Variants in EYS observed in about 807,000 individuals in gnomAD.
The protein encoded by EYS is protein eyes shut homolog.
In EYS, 250 loss-of-function variants were observed where a neutral mutation model predicts 282.1. The ratio of observed to expected loss-of-function variants is 0.89; its 90% CI spans 0.80 to 0.98. EYS has a LOEUF of 0.98. Among genes scored for constraint, EYS ranks in the 50% least tolerant of loss-of-function variants. The probability of loss-of-function intolerance (pLI) is 0.00; values close to 1 mark genes in which losing one functional copy is unlikely to be tolerated. For missense variants in EYS, 4,016 were observed against 3,709.0 expected, an observed-to-expected ratio of 1.08 and a Z score of -2.15; for synonymous variants, 1,355 against 1,282.9, an observed-to-expected ratio of 1.06 and a Z score of -1.20.
chr6:64,091,013 G>T (rs1772339572), intron 31 of EYS, among the ~76,000 whole-genome samples: 1 of 152,064 alleles, frequency 6.6e-6, no homozygotes, highest in African/African-American at 2.4e-5. Flanking sequence ...TTTCAGTTTG[G>T]CATCGAAGAC....
chr6:64,886,848 G>A lies in EYS; in HGVS notation c.2847-6C>T. ...GTTCACAATTACAAAAAAATCTGGA[G>A]AAAAGTGGAGAAATGAGGAATAGCC... On this transcript the variant is annotated splice_polypyrimidine_tract_variant and splice_region_variant and intron_variant, in intron 18 of 42. Transcript: ENST00000503581. 1 of 1,494,434 alleles carries A rather than the reference G, an allele frequency of 6.7e-7. No homozygotes were observed. Among genetic ancestry groups the A allele is most frequent in the South Asian group, 1.3e-5 (1 of 74,970 alleles). The allele number at this position is 1,494,434 out of a possible 1,614,324, so 92.6% of individuals were successfully genotyped here.
chr6:64,398,462 T>C (rs1773448785), intron 28 of EYS, among the ~76,000 whole-genome samples: 1 of 151,870 alleles, frequency 6.6e-6, no homozygotes, highest in Non-Finnish European at 1.5e-5. Context: ...GGAAAGTCTG[T>C]TGTTTGGTGA....
At chr6:64,981,090 G>A (rs927075835) in intron 14 of EYS, among the ~76,000 whole-genome samples, 2 of 151,098 alleles carry the variant, frequency 1.3e-5, no homozygotes, top group Admixed American at 6.6e-5. Context: ...ATAAAGCCTC[G>A]GTGGATGAGC....
intron 26 of EYS, among the ~76,000 whole-genome samples, chr6:64,482,187 G>C (rs1644889824): frequency 6.6e-6 from 1 of 151,564 alleles, no homozygotes; most frequent in African/African-American, 2.4e-5. Flanking sequence ...ACTAGCAATG[G>C]GGATTTTTCT....
chr6:63,971,728 C>T (rs939576491), intron 35 of EYS, among the ~76,000 whole-genome samples: 1 of 152,164 alleles, frequency 6.6e-6, no homozygotes, highest in Non-Finnish European at 1.5e-5. Context: ...GGCACAATCC[C>T]ACCACATAGG....
intron 41 of EYS, among the ~76,000 whole-genome samples, chr6:63,749,609 G>A (rs1456368143): frequency 6.6e-6 from 1 of 152,092 alleles, no homozygotes; most frequent in East Asian, 1.9e-4. Flanking sequence ...TGTATCGGCT[G>A]ATATCCTTCC....
chr6:64,161,614 A>G (rs186607210), intron 31 of EYS, among the ~76,000 whole-genome samples: 3 of 152,340 alleles, frequency 2.0e-5, no homozygotes, highest in Admixed American at 1.3e-4. Context: ...TTATGCCAGC[A>G]AACACTGGGG....
At chr6:65,638,675 T>C (rs1330452539) in intron 2 of EYS, among the ~76,000 whole-genome samples, 1 of 152,226 alleles carries the variant, frequency 6.6e-6, no homozygotes, top group Non-Finnish European at 1.5e-5. Context: ...CCCACCGCGC[T>C]GCAGCAGCCA....
At chr6:65,353,406 C>T in intron 9 of EYS, 52 bp downstream of exon 9, 1 of 1,541,198 alleles carries the variant, frequency 6.5e-7, no homozygotes. Context: ...ACGTGACTAG[C>T]AAATTTTGAA....
chr6:63,782,244 T>C (rs1378191629), intron 39 of EYS, among the ~76,000 whole-genome samples: 4 of 152,206 alleles, frequency 2.6e-5, no homozygotes, highest in Non-Finnish European at 5.9e-5. Flanking sequence ...GGCTTTGGTA[T>C]CAGGATGATG....
intron 2 of EYS, among the ~76,000 whole-genome samples, chr6:65,615,672 C>G (rs1393438036): frequency 6.6e-6 from 1 of 152,036 alleles, no homozygotes; most frequent in South Asian, 2.1e-4. Flanking sequence ...CGGTGGCTCA[C>G]GCCTGTAATC....
intron 39 of EYS, among the ~76,000 whole-genome samples, chr6:63,781,895 A>G (rs1032160416): frequency 2.0e-5 from 3 of 152,152 alleles, no homozygotes; most frequent in Non-Finnish European, 4.4e-5. Context: ...TTTGTCATAA[A>G]TAGCTCTTAT....
chr6:64,714,516 C>CTT (rs55730437), intron 22 of EYS, among the ~76,000 whole-genome samples: 9 of 127,912 alleles, frequency 7.0e-5, no homozygotes, highest in African/African-American at 2.4e-4. Context: ...TTCTTTCTTT[C>CTT]TTTTTTTTTT....
In EYS at chr6:65,699,446, C is replaced by T. The variant is rs143080937; in HGVS notation, c.-448+7689G>A. On this transcript the variant is annotated intron_variant, in intron 1 of 42. Transcript: ENST00000503581. ...TAATTACAAAACAAAAAAAAAAGAA[C>T]GATGCAGACCTTGCTTTGAACAAGT... Among the ~76,000 whole-genome samples, 399 of 151,672 alleles carry T rather than the reference C, an allele frequency of 2.6e-3. 3 individuals are homozygous for T. The highest frequency in any genetic ancestry group is 8.7e-3 in the African/African-American group (359 of 41,392).
chr6:64,904,687 C>T (rs1321720008), intron 16 of EYS, among the ~76,000 whole-genome samples: 1 of 152,122 alleles, frequency 6.6e-6, no homozygotes. Context: ...TCTTTTGAGG[C>T]AGTGGAACTC....
At chr6:64,438,678 T>C (rs1308817508) in intron 27 of EYS, among the ~76,000 whole-genome samples, 1 of 151,658 alleles carries the variant, frequency 6.6e-6, no homozygotes, top group Non-Finnish European at 1.5e-5. Flanking sequence ...TGAATGTTAA[T>C]TCAAATCATG....
chr6:64,607,803 T>C (rs767832451), intron 24 of EYS, among the ~76,000 whole-genome samples: 6 of 152,132 alleles, frequency 3.9e-5, no homozygotes, highest in Non-Finnish European at 5.9e-5. Flanking sequence ...GTAGTGCTCA[T>C]GGATATAGGG....
intron 12 of EYS, among the ~76,000 whole-genome samples, chr6:65,108,410 A>G (rs150099928): frequency 6.6e-6 from 1 of 152,096 alleles, no homozygotes; most frequent in Non-Finnish European, 1.5e-5. Context: ...TGAGTTTCCC[A>G]TCTCAGCCTC....
intron 35 of EYS, among the ~76,000 whole-genome samples, chr6:63,979,823 C>A (rs758660519): frequency 1.4e-4 from 22 of 151,902 alleles, no homozygotes; most frequent in Non-Finnish European, 2.7e-4. Flanking sequence ...TTTGAAAATT[C>A]TAGTACAGAT....
Sources: allele counts gnomAD v4.1 joint callset (sites outside exome capture counted in the v4.1 genomes callset), GRCh38; gene constraint gnomAD v4.1.1; transcripts MANE v1.5; gene names NCBI Gene and HGNC (gene_info 2026-07-23, HGNC 2026-07-21).